Variants in SLC2A13 observed in about 807,000 individuals in gnomAD.
The protein encoded by SLC2A13 is solute carrier family 2 member 13.
Under a neutral mutation model 64.4 loss-of-function variants are expected in SLC2A13, and 32 were observed. The observed-to-expected ratio is 0.50, with a 90% CI of 0.37 to 0.67. The LOEUF (loss-of-function observed/expected upper bound fraction) is 0.67. Among genes scored for constraint, SLC2A13 ranks in the 30% least tolerant of loss-of-function variants. The probability of loss-of-function intolerance (pLI) is 0.00; values close to 1 mark genes in which losing one functional copy is unlikely to be tolerated. For missense variants in SLC2A13, 743 were observed against 829.2 expected (o/e 0.90, Z 1.28); for synonymous variants, 338 against 327.1 (o/e 1.03, Z -0.36).
At chr12:39,833,634 T>C (rs1942922273) in intron 6 of SLC2A13, among the ~76,000 whole-genome samples, 1 of 152,102 alleles carries the variant, frequency 6.6e-6, no homozygotes, top group African/African-American at 2.4e-5. Context: ...CAACCAGGCA[T>C]ATTGATACAA....
chr12:39,782,938 G>A lies in SLC2A13; in HGVS notation c.1446-18080C>T, dbSNP rs772481031. ...CACAATGTGCAGGTTTGTTATGTAT[G>A]TATACATGTGCCATGTTGGTGTGCT... On this transcript the variant is annotated intron_variant, in intron 7 of 9. Coordinates refer to ENST00000280871, the MANE Select transcript of SLC2A13 (RefSeq NM_052885.4). Among the ~76,000 whole-genome samples the A allele has an allele frequency of 3.4e-4, 51 of 152,212 alleles. 1 individual carries two copies. Among genetic ancestry groups the A allele is most frequent in the Admixed American group, 5.2e-4 (8 of 15,284 alleles).
chr12:40,104,051 T>C (rs1328759357), intron 1 of SLC2A13, among the ~76,000 whole-genome samples: 1 of 152,136 alleles, frequency 6.6e-6, no homozygotes, highest in Non-Finnish European at 1.5e-5. Flanking sequence ...GGCCTTTGCT[T>C]CCCTTCAGAA....
chr12:40,008,531 A>C (rs1320444566), intron 3 of SLC2A13, among the ~76,000 whole-genome samples: 1 of 152,130 alleles, frequency 6.6e-6, no homozygotes, highest in Non-Finnish European at 1.5e-5. Flanking sequence ...GAATGGCTTG[A>C]ACCCAGGAGG....
intron 4 of SLC2A13, chr12:39,907,605 T>A (rs1015662621): frequency 2.0e-5 from 3 of 152,242 alleles, no homozygotes; most frequent in Middle Eastern, 3.4e-3. Context: ...TAATTTTGAG[T>A]GTTAAGATTA....
chr12:39,975,422 T>C (rs1249018081), intron 3 of SLC2A13, among the ~76,000 whole-genome samples: 1 of 152,244 alleles, frequency 6.6e-6, no homozygotes, highest in Non-Finnish European at 1.5e-5. Context: ...TGAATTCTCA[T>C]AAAAATATGT....
Position 39,998,501 on chromosome 12 carries a change from G to A in SLC2A13, c.925+29800C>T, listed in dbSNP as rs539999926. Reference sequence around the variant, plus strand: ...CCTGGATGTGAGACATGGAGTCAAAGGAGATCATTTTGGAGCTTTAAATAT... The same window carrying A: ...CCTGGATGTGAGACATGGAGTCAAAAGAGATCATTTTGGAGCTTTAAATAT... On this transcript the variant is annotated intron_variant, in intron 3 of 9. Transcript: ENST00000280871. Among the ~76,000 whole-genome samples the A allele has an allele frequency of 1.4e-4, 22 of 152,326 alleles. No homozygotes were observed. In the South Asian group the frequency reaches 2.5e-3, roughly 17 times the overall value.
At chr12:39,858,752 G>C (rs1413581539) in intron 6 of SLC2A13, among the ~76,000 whole-genome samples, 1 of 152,030 alleles carries the variant, frequency 6.6e-6, no homozygotes. Flanking sequence ...GATTATAGGA[G>C]CCTGCCACCA....
intron 1 of SLC2A13, among the ~76,000 whole-genome samples, chr12:40,102,019 GA>G (rs1380373918): frequency 6.6e-6 from 1 of 152,120 alleles, no homozygotes; most frequent in African/African-American, 2.4e-5. Context: ...ATCATCTGCT[GA>G]ACACCTACTC....
chr12:39,813,551 C>T (rs1395582705), intron 7 of SLC2A13, among the ~76,000 whole-genome samples: 1 of 152,134 alleles, frequency 6.6e-6, no homozygotes, highest in African/African-American at 2.4e-5. Flanking sequence ...GATTACTGCA[C>T]CTGAAAAATT....
At chr12:39,917,792 T>C (rs1380009118) in intron 4 of SLC2A13, among the ~76,000 whole-genome samples, 3 of 152,154 alleles carry the variant, frequency 2.0e-5, no homozygotes, top group African/African-American at 7.2e-5. Context: ...ATTTCCCACA[T>C]GTCAATCTTA....
rs1939295534 is a variant in SLC2A13 at position 40,105,920 on chromosome 12, C to G, written c.-112G>C. ...AACCGCCGCTGCCGCCGCTTTCTTC[C>G]TCCCGGCTTCCGCTCCGGCTGCCAC... On this transcript the variant is annotated 5_prime_UTR_variant, in exon 1 of 10. Coordinates refer to ENST00000280871, the MANE Select transcript of SLC2A13 (RefSeq NM_052885.4). This position sits in a 1 kb window ranked among gnomAD's most constrained non-coding sequence, Gnocchi z 4.2. 6 of 1,228,668 alleles carry G rather than the reference C, an allele frequency of 4.9e-6. No individual in the cohort carries two copies. In the East Asian group the frequency reaches 1.9e-4, roughly 40 times the overall value. 76.1% of individuals were successfully genotyped at this position (1,228,668 alleles called of 1,614,324 possible).
At chr12:39,922,892 T>C (rs928666396) in intron 4 of SLC2A13, among the ~76,000 whole-genome samples, 3 of 152,254 alleles carry the variant, frequency 2.0e-5, no homozygotes, top group Non-Finnish European at 4.4e-5. Context: ...CTTTTTTCTC[T>C]AGTATTTTCA....
chr12:39,832,342 T>C (rs776792166), intron 6 of SLC2A13, among the ~76,000 whole-genome samples: 1 of 152,168 alleles, frequency 6.6e-6, no homozygotes, highest in Non-Finnish European at 1.5e-5. Context: ...TGATACTCAT[T>C]TGGGAAAGGT....
intron 3 of SLC2A13, among the ~76,000 whole-genome samples, chr12:40,017,838 ACTT>A: frequency 6.6e-6 from 1 of 152,220 alleles, no homozygotes; most frequent in East Asian, 1.9e-4. Flanking sequence ...TCCCTGCAAT[ACTT>A]CTTTAGAGGT....
At chr12:40,098,632 G>C (rs1398325857) in intron 1 of SLC2A13, among the ~76,000 whole-genome samples, 1 of 152,224 alleles carries the variant, frequency 6.6e-6, no homozygotes, top group Non-Finnish European at 1.5e-5. Flanking sequence ...TTGAGCACAG[G>C]CTGGGAAGCC....
chr12:39,896,479 T>C (rs1003425563), intron 4 of SLC2A13, among the ~76,000 whole-genome samples: 5 of 140,470 alleles, frequency 3.6e-5, no homozygotes, highest in Admixed American at 7.5e-5. Context: ...TATATGTATA[T>C]GTGTATATAT....
intron 4 of SLC2A13, among the ~76,000 whole-genome samples, chr12:39,880,843 C>T (rs1944320651): frequency 6.6e-6 from 1 of 152,186 alleles, no homozygotes; most frequent in Non-Finnish European, 1.5e-5. Flanking sequence ...CTTTAAGCAT[C>T]ATGGAGAACA....
Position 39,871,630 on chromosome 12 carries a change from T to G in SLC2A13, c.1198+168A>C, listed in dbSNP as rs113316325. ...TTCTAGTCACGTAGCGTAACAGTTG[T>G]TAAAAGCTCTTTTTTTTTTCTTTTT... On this transcript the variant is annotated intron_variant, in intron 5 of 9. Coordinates refer to ENST00000280871, the MANE Select transcript of SLC2A13 (RefSeq NM_052885.4). Among the ~76,000 whole-genome samples, 442 of 152,172 alleles carry G rather than the reference T, an allele frequency of 2.9e-3. 4 individuals carry two copies. Among genetic ancestry groups the G allele is most frequent in the African/African-American group, 9.7e-3 (401 of 41,470 alleles).
At chr12:39,822,582 C>T (rs1693769155) in intron 7 of SLC2A13, among the ~76,000 whole-genome samples, 1 of 152,122 alleles carries the variant, frequency 6.6e-6, no homozygotes, top group African/African-American at 2.4e-5. Context: ...GCTTACTTGC[C>T]CCAATGTTTG....
Sources: allele counts gnomAD v4.1 joint callset (sites outside exome capture counted in the v4.1 genomes callset), GRCh38; gene constraint gnomAD v4.1.1; non-coding constraint Gnocchi (gnomAD v3.1); transcripts MANE v1.5; gene names NCBI Gene and HGNC (gene_info 2026-07-23, HGNC 2026-07-21).